FRMPD2: variants seen among roughly 807,000 people sequenced by gnomAD.
The protein encoded by FRMPD2 is FERM and PDZ domain containing 2.
A neutral mutation model predicts 140.1 loss-of-function variants in FRMPD2; 96 were observed. The observed-to-expected ratio is 0.69, with a 90% CI of 0.58 to 0.81. The LOEUF (loss-of-function observed/expected upper bound fraction) is 0.81. FRMPD2 is among the 40% of genes least tolerant of loss of function. The pLI, the probability that FRMPD2 is intolerant of heterozygous loss-of-function variation, is 0.00. For missense variants in FRMPD2, 1,240 were observed against 1,447.4 expected (o/e 0.86, Z 2.32); for synonymous variants, 449 against 547.6 (o/e 0.82, Z 2.52).
chr10:48,266,453 G>A (rs918162422), intron 1 of FRMPD2, among the ~76,000 whole-genome samples: 1 of 152,158 alleles, frequency 6.6e-6, no homozygotes, highest in Non-Finnish European at 1.5e-5. Flanking sequence ...TTATTATAGG[G>A]TATATTAATC....
chr10:48,238,143 G>A lies in FRMPD2; in HGVS notation c.789-20C>T, dbSNP rs767014020. On this transcript the variant is annotated intron_variant, in intron 7 of 28. Coordinates refer to ENST00000374201, the MANE Select transcript of FRMPD2 (RefSeq NM_001018071.4). ...AGAGCGCTGGCCAGGGGTTGAGAAG[G>A]GGTGAAGCACTTAGCAATGGCAAGG... The A allele has an allele frequency of 3.7e-6, 6 of 1,604,220 alleles. No individual in the cohort carries two copies. In the Admixed American group the frequency reaches 8.4e-5, roughly 22 times the overall value.
In FRMPD2 at chr10:48,185,710, A is replaced by G. The variant is rs150946990; in HGVS notation, c.2267-65T>C. The G allele has an allele frequency of 1.9e-5, 23 of 1,181,754 alleles. No individual in the cohort carries two copies. In the East Asian group the frequency reaches 5.4e-4, roughly 28 times the overall value. 73.2% of individuals were successfully genotyped at this position (1,181,754 alleles called of 1,614,324 possible). A position where few individuals can be genotyped will look rare whatever the true frequency, so the allele number is the denominator to read the frequency against. ...CAAATTATTTGGGAGCTAATACAAA[A>G]GGAGTAAACAGCATTTCACACACAT... On this transcript the variant is annotated intron_variant, in intron 17 of 28. Transcript: ENST00000374201.
chr10:48,223,091 A>C (rs1386464007), intron 11 of FRMPD2, 32 bp downstream of exon 11: 1 of 1,588,630 alleles, frequency 6.3e-7, no homozygotes, highest in Admixed American at 1.7e-5. Flanking sequence ...TAAATCCCTT[A>C]AGGAACAAAT....
chr10:48,250,158 G>T (rs901667239), intron 2 of FRMPD2, among the ~76,000 whole-genome samples: 3 of 152,230 alleles, frequency 2.0e-5, no homozygotes, highest in South Asian at 2.1e-4. Flanking sequence ...CACCCTAAAG[G>T]GTCGCCCCAA....
chr10:48,183,622 G>C (rs768435040), intron 20 of FRMPD2, among the ~76,000 whole-genome samples: 1 of 151,842 alleles, frequency 6.6e-6, no homozygotes, highest in African/African-American at 2.4e-5. Context: ...AGGCTGAGGC[G>C]GGCAGATCAC....
chr10:48,195,846 C>A (rs1225233595), intron 15 of FRMPD2, among the ~76,000 whole-genome samples: 3 of 152,248 alleles, frequency 2.0e-5, no homozygotes, highest in Non-Finnish European at 4.4e-5. Context: ...CTGTTCTGTG[C>A]TGGAGCTGCT....
chr10:48,217,326 A>G lies in FRMPD2; in HGVS notation c.1455+4987T>C, dbSNP rs916047526. Reference sequence around the variant, plus strand: ...CAGGTGTTTTCTATGCTAATGACCAATAAAATGAATTCATCATCCCACATG... The same window carrying G: ...CAGGTGTTTTCTATGCTAATGACCAGTAAAATGAATTCATCATCCCACATG... On this transcript the variant is annotated intron_variant, in intron 12 of 28. Coordinates refer to ENST00000374201, the MANE Select transcript of FRMPD2 (RefSeq NM_001018071.4). Among the ~76,000 whole-genome samples the G allele has an allele frequency of 5.3e-5, 8 of 152,222 alleles. 1 individual carries two copies. The highest frequency in any genetic ancestry group is 4.6e-4 in the Admixed American group (7 of 15,284).
At chr10:48,212,132 A>T in intron 12 of FRMPD2, 23 bp from the exon 13 acceptor site, 1 of 1,612,524 alleles carries the variant, frequency 6.2e-7, no homozygotes, top group Non-Finnish European at 8.5e-7. Context: ...TGTAGAAGGG[A>T]AGGGCACAAT....
At chr10:48,188,871 G>A (rs1838758368) in intron 16 of FRMPD2, among the ~76,000 whole-genome samples, 1 of 152,194 alleles carries the variant, frequency 6.6e-6, no homozygotes, top group African/African-American at 2.4e-5. Context: ...CCACTCATCT[G>A]AGGAACCTGG....
chr10:48,204,407 C>T (rs1169641761), intron 14 of FRMPD2, among the ~76,000 whole-genome samples: 1 of 152,120 alleles, frequency 6.6e-6, no homozygotes, highest in Admixed American at 6.5e-5. Context: ...TGCAAAGCTG[C>T]GTGTTTCATG....
At chr10:48,206,514 T>C (rs548916472) in intron 14 of FRMPD2, among the ~76,000 whole-genome samples, 1 of 152,106 alleles carries the variant, frequency 6.6e-6, no homozygotes, top group South Asian at 2.1e-4. Context: ...TATGTGGAGG[T>C]CCAGGCAAGG....
chr10:48,201,500 G>T, intron 14 of FRMPD2, 116 bp from the exon 15 acceptor site: 1 of 778,000 alleles, frequency 1.3e-6, no homozygotes, highest in South Asian at 2.1e-5. Flanking sequence ...GGCATCCACG[G>T]GTGCATGGCA....
At chr10:48,230,983 A>G (rs560587152) in intron 10 of FRMPD2, among the ~76,000 whole-genome samples, 1 of 152,212 alleles carries the variant, frequency 6.6e-6, no homozygotes, top group South Asian at 2.1e-4. Flanking sequence ...AGACAGACTT[A>G]GCCTCAGAGC....
At chr10:48,235,570 C>T (rs55909384) in intron 9 of FRMPD2, among the ~76,000 whole-genome samples, 13,313 of 152,174 alleles carry the variant, frequency 0.087, 735 homozygotes, top group South Asian at 0.12. Context: ...AAGTGGAGGG[C>T]GATGCAGGAG....
At chr10:48,183,000 G>A (rs951864777) in intron 20 of FRMPD2, among the ~76,000 whole-genome samples, 1 of 152,186 alleles carries the variant, frequency 6.6e-6, no homozygotes, top group Non-Finnish European at 1.5e-5. Context: ...CCCTGAGAAG[G>A]CTTCAACCCC....
intron 9 of FRMPD2, among the ~76,000 whole-genome samples, chr10:48,235,588 G>T (rs933710646): frequency 2.0e-5 from 3 of 152,212 alleles, no homozygotes; most frequent in African/African-American, 7.2e-5. Context: ...GAGCCTGGGA[G>T]GGGAGAGCCT....
In FRMPD2 at chr10:48,274,636, C is replaced by T. The variant is rs1244017322; in HGVS notation, c.-69G>A. 5 of 1,482,264 alleles carry T rather than the reference C, an allele frequency of 3.4e-6. No individual in the cohort carries two copies. Among genetic ancestry groups the T allele is most frequent in the Non-Finnish European group, 4.7e-6 (5 of 1,063,888 alleles). 91.8% of individuals were successfully genotyped at this position (1,482,264 alleles called of 1,614,324 possible). On this transcript the variant is annotated 5_prime_UTR_variant, in exon 1 of 29. Coordinates refer to ENST00000374201, the MANE Select transcript of FRMPD2 (RefSeq NM_001018071.4). ...ACTTTCCAACAAGGAGCAGGGGTCT[C>T]TTGCAAGTCTGTCCGCGGAGCTCCC...
At chr10:48,252,151 T>A (rs1005360399) in intron 1 of FRMPD2, among the ~76,000 whole-genome samples, 1 of 151,846 alleles carries the variant, frequency 6.6e-6, no homozygotes, top group Non-Finnish European at 1.5e-5. Context: ...ACATGTAGAG[T>A]CAGATTTGGT....
At chr10:48,243,611 C>G (rs929980526) in intron 4 of FRMPD2, among the ~76,000 whole-genome samples, 1 of 152,196 alleles carries the variant, frequency 6.6e-6, no homozygotes, top group Non-Finnish European at 1.5e-5. Context: ...CAAAGGGGAA[C>G]CAGACGGGAG....
Sources: allele counts gnomAD v4.1 joint callset (sites outside exome capture counted in the v4.1 genomes callset), GRCh38; gene constraint gnomAD v4.1.1; transcripts MANE v1.5; gene names NCBI Gene and HGNC (gene_info 2026-07-23, HGNC 2026-07-21).